Variants in JPT1 observed in about 807,000 individuals in gnomAD.
JPT1 encodes Jupiter microtubule associated homolog 1, also known as androgen-regulated protein 2.
Under a neutral mutation model 17.0 loss-of-function variants are expected in JPT1, and 5 were observed. The ratio of observed to expected loss-of-function variants is 0.29; its 90% CI spans 0.15 to 0.62. JPT1 has a LOEUF of 0.62. JPT1 is among the 20% of genes least tolerant of loss of function. The pLI is 0.85. For synonymous variants in JPT1, 71 were observed against 73.6 expected (o/e 0.96, Z 0.18); for missense variants, 158 against 188.1 (o/e 0.84, Z 0.94).
intron 1 of JPT1, among the ~76,000 whole-genome samples, chr17:75,150,245 T>C (rs186906565): frequency 3.0e-4 from 45 of 152,038 alleles, no homozygotes; most frequent in African/African-American, 1.1e-3. Context: ...ATAGAAATAC[T>C]TTTTTTTCTT....
intron 4 of JPT1, among the ~76,000 whole-genome samples, chr17:75,140,279 A>T (rs2074283506): frequency 6.8e-6 from 1 of 146,004 alleles, no homozygotes; most frequent in Admixed American, 6.9e-5. Flanking sequence ...AGATAATTTA[A>T]AAAAAAAAAG....
chr17:75,136,017 C>A lies in JPT1; in HGVS notation c.*85G>T. On this transcript the variant is annotated 3_prime_UTR_variant, in exon 5 of 5. Coordinates refer to ENST00000409753, the MANE Select transcript of JPT1 (RefSeq NM_016185.4). Reference sequence around the variant, plus strand: ...GTGCTTCTTTTTAATGAAACAAATCCAAGAGATGTACAGTCAGGCTCAAGT... The same window carrying A: ...GTGCTTCTTTTTAATGAAACAAATCAAAGAGATGTACAGTCAGGCTCAAGT... The A allele has an allele frequency of 6.2e-7, 1 of 1,610,618 alleles. No individual in the cohort carries two copies. Among genetic ancestry groups the A allele is most frequent in the South Asian group, 1.1e-5 (1 of 90,872 alleles).
chr17:75,147,646 C>T lies in JPT1; in HGVS notation c.207G>A (p.Lys69=). 6.2e-7 allele frequency: 1 copy of T among 1,612,446 alleles called. No individual in the cohort carries two copies. The highest frequency in any genetic ancestry group is 1.1e-5 in the South Asian group (1 of 91,036). Residue 69 remains lysine (K), a synonymous_variant, in exon 3 of 5, where the codon AAG becomes AAA. Transcript: ENST00000409753. ...CCAAGTCTTCCCTGCCACCACTAGA[C>T]TTGGCACCTAAAAATCAAAATATAC... ...QASWAKSAGA[K]SSGGREDLES...
In JPT1 at chr17:75,154,486, C is replaced by T. The variant is rs2074605598; in HGVS notation, c.-89G>A. 8.7e-6 allele frequency: 11 copies of T among 1,259,478 alleles called. No individual in the cohort carries two copies. The highest frequency in any genetic ancestry group is 8.3e-5 in the East Asian group (3 of 35,938). The allele number at this position is 1,259,478 out of a possible 1,614,324, so 78.0% of individuals were successfully genotyped here. A position where few individuals can be genotyped will look rare whatever the true frequency, so the allele number is the denominator to read the frequency against. ...CGCTGGGAAACTCCACACCCAACAG[C>T]CGACCACCGCTGCAGGAGCCGCCGC... On this transcript the variant is annotated 5_prime_UTR_variant, in exon 1 of 5. Transcript: ENST00000409753.
At chr17:75,141,102 A>G (rs1051963411) in intron 4 of JPT1, 1 of 151,560 alleles carries the variant, frequency 6.6e-6, no homozygotes, top group African/African-American at 2.5e-5. Context: ...AAAACAAAAC[A>G]AAAACAAAAC....
intron 4 of JPT1, among the ~76,000 whole-genome samples, chr17:75,139,979 G>C (rs748130475): frequency 9.9e-5 from 15 of 152,086 alleles, no homozygotes; most frequent in Admixed American, 6.6e-4. Flanking sequence ...TGCCAGGCTG[G>C]AGTGCAGTGG....
At chr17:75,143,127 A>G (rs914954019) in intron 4 of JPT1, among the ~76,000 whole-genome samples, 2 of 152,220 alleles carry the variant, frequency 1.3e-5, no homozygotes, top group Non-Finnish European at 2.9e-5. Context: ...GGAATGCTAC[A>G]TGGAGAGGCC....
chr17:75,148,841 G>C (rs1210767593), intron 1 of JPT1, among the ~76,000 whole-genome samples, 170 bp from the exon 2 acceptor site: 1 of 152,150 alleles, frequency 6.6e-6, no homozygotes, highest in African/African-American at 2.4e-5. Flanking sequence ...TCTACATTCA[G>C]TGCTGGATGT....
chr17:75,154,328 C>G lies in JPT1; in HGVS notation c.56+14G>C. 3.9e-6 allele frequency: 6 copies of G among 1,541,016 alleles called. No homozygotes were observed. The highest frequency in any genetic ancestry group is 3.6e-5 in the South Asian group (3 of 83,526). ...TCAGCCCCGCGCGGCTCGGGCGCGA[C>G]CCGGTCGCCTCACCGGGAGCTATTC... On this transcript the variant is annotated intron_variant, in intron 1 of 4. Transcript: ENST00000409753.
chr17:75,146,545 C>T (rs1384405586), intron 4 of JPT1, 121 bp downstream of exon 4: 2 of 688,000 alleles, frequency 2.9e-6, no homozygotes. Context: ...TATGGCGGCA[C>T]TTGGGGCATG....
At chr17:75,144,355 GAA>G (rs918744179) in intron 4 of JPT1, among the ~76,000 whole-genome samples, 1 of 151,272 alleles carries the variant, frequency 6.6e-6, no homozygotes, top group Non-Finnish European at 1.5e-5. Flanking sequence ...TACAAAAAAA[GAA>G]AAAAAATTAG....
intron 4 of JPT1, among the ~76,000 whole-genome samples, chr17:75,144,834 G>A (rs2145179182): frequency 6.6e-6 from 1 of 152,142 alleles, no homozygotes; most frequent in East Asian, 1.9e-4. Flanking sequence ...CCCATATTTG[G>A]TCACAGGTGT....
chr17:75,144,587 T>C (rs1318281006), intron 4 of JPT1, among the ~76,000 whole-genome samples: 1 of 152,174 alleles, frequency 6.6e-6, no homozygotes, highest in Non-Finnish European at 1.5e-5. Flanking sequence ...GTTCTTTCTG[T>C]GAACCTCTCT....
At chr17:75,137,461 A>G (rs2074221651) in intron 4 of JPT1, among the ~76,000 whole-genome samples, 1 of 151,694 alleles carries the variant, frequency 6.6e-6, no homozygotes, top group African/African-American at 2.4e-5. Context: ...GGCTCAAGCA[A>G]TCCTCCTATA....
intron 4 of JPT1, chr17:75,138,536 T>G (rs2074250920): frequency 6.6e-6 from 1 of 151,610 alleles, no homozygotes; most frequent in African/African-American, 2.4e-5. Context: ...AGCCTCCCAA[T>G]AGCTGGGGTT....
intron 1 of JPT1, among the ~76,000 whole-genome samples, chr17:75,152,639 G>T (rs1224951762): frequency 2.0e-5 from 3 of 152,160 alleles, no homozygotes. Context: ...CCTAATTACT[G>T]AAATTCTTTA....
intron 4 of JPT1, among the ~76,000 whole-genome samples, chr17:75,143,451 C>T (rs1363993633): frequency 6.6e-6 from 1 of 152,122 alleles, no homozygotes; most frequent in Non-Finnish European, 1.5e-5. Flanking sequence ...CTCAGCTACT[C>T]AGGAGGCTGA....
intron 4 of JPT1, among the ~76,000 whole-genome samples, chr17:75,144,071 C>A (rs2074378215): frequency 6.6e-6 from 1 of 151,924 alleles, no homozygotes; most frequent in South Asian, 2.1e-4. Flanking sequence ...GATAACTGAA[C>A]ATGTGGAAGC....
chr17:75,150,251 T>C (rs1343295911), intron 1 of JPT1, among the ~76,000 whole-genome samples: 1 of 151,950 alleles, frequency 6.6e-6, no homozygotes, highest in Non-Finnish European at 1.5e-5. Flanking sequence ...ATACTTTTTT[T>C]TCTTTTCTTT....
Sources: allele counts gnomAD v4.1 joint callset (sites outside exome capture counted in the v4.1 genomes callset), GRCh38; gene constraint gnomAD v4.1.1; transcripts MANE v1.5; gene names NCBI Gene and HGNC (gene_info 2026-07-23, HGNC 2026-07-21).